NCBP3: variants seen among roughly 807,000 people sequenced by gnomAD.
NCBP3 encodes the protein nuclear cap binding subunit 3, also known as nuclear cap-binding protein subunit 3.
In NCBP3, 20 loss-of-function variants were observed where a neutral mutation model predicts 75.7. The observed-to-expected ratio is 0.26, with a 90% CI of 0.19 to 0.38. NCBP3 has a LOEUF of 0.38. Ranked by LOEUF, NCBP3 falls within the 10% of genes least tolerant of loss-of-function variation. The pLI is 1.00. For synonymous variants in NCBP3, 293 were observed against 290.5 expected (o/e 1.01, Z -0.09); for missense variants, 678 against 796.9 (o/e 0.85, Z 1.80).
chr17:3,803,798 A>T lies in NCBP3; in HGVS notation c.*9246T>A, dbSNP rs184890839. ...TTTTTAAAAAATGGGCAGGTGGGCC[A>T]GGCGCGGTGGCTCACGCCTGTAATC... On this transcript the variant is annotated 3_prime_UTR_variant, in exon 13 of 13. Transcript: ENST00000389005. 1 of 152,228 alleles carries T rather than the reference A, an allele frequency of 6.6e-6. No homozygotes were observed. Among genetic ancestry groups the T allele is most frequent in the Admixed American group, 6.5e-5 (1 of 15,282 alleles). The allele number at this position is 152,228 out of a possible 1,614,324, so 9.4% of individuals were successfully genotyped here.
chr17:3,838,830 A>G (rs1270203302), intron 3 of NCBP3, among the ~76,000 whole-genome samples: 1 of 152,248 alleles, frequency 6.6e-6, no homozygotes, highest in Non-Finnish European at 1.5e-5. Context: ...GAAATATATA[A>G]TGTGCTTAAC....
rs1444781446 is a variant in NCBP3, at chr17:3,809,124, TG to T, written c.*3919del. On this transcript the variant is annotated 3_prime_UTR_variant, in exon 13 of 13. Transcript: ENST00000389005. The stretch of plus-strand genomic sequence containing the variant: ...ATAACGAAACCCCATCTGTACAAAA[TG>T]TATTTTAAAAAGAAAAAATAAAAAC... 6.6e-6 allele frequency: 1 copy of T among 151,900 alleles called. No homozygotes were observed. The highest frequency in any genetic ancestry group is 2.4e-5 in the African/African-American group (1 of 41,328). 9.4% of individuals were successfully genotyped at this position (151,900 alleles called of 1,614,324 possible). A position where few individuals can be genotyped will look rare whatever the true frequency, so the allele number is the denominator to read the frequency against.
At position 3,825,756 on chromosome 17, in the gene NCBP3, CT is replaced by C; in HGVS notation, c.687+10del. Reference sequence around the variant, plus strand: ...CAATAACTTTACATCTATCTTTCCCCTATTACTAACCTCTACATCACTTGAG... The same window carrying C: ...CAATAACTTTACATCTATCTTTCCCCATTACTAACCTCTACATCACTTGAG... On this transcript the variant is annotated intron_variant, in intron 6 of 12. Transcript: ENST00000389005. 1 of 1,535,700 alleles carries C rather than the reference CT, an allele frequency of 6.5e-7. No individual in the cohort carries two copies. The highest frequency in any genetic ancestry group is 8.8e-7 in the Non-Finnish European group (1 of 1,133,568).
intron 4 of NCBP3, among the ~76,000 whole-genome samples, chr17:3,826,827 C>A (rs1166143349): frequency 1.3e-5 from 2 of 151,878 alleles, no homozygotes; most frequent in Non-Finnish European, 2.9e-5. Flanking sequence ...TCCTGGCTAA[C>A]ACGGTGAAAC....
At position 3,808,516 on chromosome 17, in the gene NCBP3, G is replaced by T. The variant is rs117262145; in HGVS notation, c.*4528C>A. The T allele has an allele frequency of 0.011, 1,631 of 152,358 alleles. 16 individuals carry two copies. The highest frequency in any genetic ancestry group is 0.014 in the Middle Eastern group (4 of 296). The allele number at this position is 152,358 out of a possible 1,614,324, so 9.4% of individuals were successfully genotyped here. On this transcript the variant is annotated 3_prime_UTR_variant, in exon 13 of 13. Transcript: ENST00000389005. ...CCCTAAGACCTTAAGTTGGTGAGGGGAAGATTGAGGCGGGAGGGGGAGAAG... is the reference window on the plus strand; with the variant it reads ...CCCTAAGACCTTAAGTTGGTGAGGGTAAGATTGAGGCGGGAGGGGGAGAAG...
chr17:3,814,573 A>G, intron 11 of NCBP3, 90 bp from the exon 12 acceptor site: 3 of 1,375,618 alleles, frequency 2.2e-6, no homozygotes, highest in Non-Finnish European at 3.0e-6. Context: ...TCTGGCGCTA[A>G]CCCCTGCCCC....
At chr17:3,838,849 T>TA (rs2054019296) in intron 3 of NCBP3, among the ~76,000 whole-genome samples, 3 of 152,196 alleles carry the variant, frequency 2.0e-5, no homozygotes, top group Admixed American at 2.0e-4. Context: ...ACGAGTCTAG[T>TA]AAAAAAGCAA....
chr17:3,835,210 A>AT (rs1416942947), intron 3 of NCBP3, among the ~76,000 whole-genome samples: 5 of 152,242 alleles, frequency 3.3e-5, no homozygotes, highest in Admixed American at 3.3e-4. Context: ...TTTAAAAGTA[A>AT]TTTTTTTAAA....
intron 3 of NCBP3, among the ~76,000 whole-genome samples, chr17:3,837,102 C>A (rs551304624): frequency 2.7e-5 from 4 of 150,506 alleles, no homozygotes; most frequent in African/African-American, 9.8e-5. Flanking sequence ...CAGCTGAGAT[C>A]GTGCCACTGC....
At position 3,809,346 on chromosome 17, in the gene NCBP3, G is replaced by A. The variant is rs989110628; in HGVS notation, c.*3698C>T. On this transcript the variant is annotated 3_prime_UTR_variant, in exon 13 of 13. Transcript: ENST00000389005. ...TCCACTCCTAGGTATATACCCAAGA[G>A]TCATGAAAATACCTGTCCCTGCAAA... 6.6e-6 allele frequency: 1 copy of A among 152,112 alleles called. No individual in the cohort carries two copies. Among genetic ancestry groups the A allele is most frequent in the African/African-American group, 2.4e-5 (1 of 41,396 alleles). The allele number at this position is 152,112 out of a possible 1,614,324, so 9.4% of individuals were successfully genotyped here.
intron 3 of NCBP3, among the ~76,000 whole-genome samples, chr17:3,832,319 TAAATA>T (rs1219847764): frequency 8.5e-6 from 1 of 117,066 alleles, no homozygotes; most frequent in Non-Finnish European, 2.1e-5. Flanking sequence ...AAAATTAAAA[TAAATA>T]AAATAATAAT....
At chr17:3,834,924 C>T (rs745755675) in intron 3 of NCBP3, among the ~76,000 whole-genome samples, 1 of 152,056 alleles carries the variant, frequency 6.6e-6, no homozygotes, top group African/African-American at 2.4e-5. Context: ...AGACGGTGCT[C>T]TATTTCAAGT....
At chr17:3,840,000 G>T in intron 3 of NCBP3, 100 bp downstream of exon 3, 1 of 844,142 alleles carries the variant, frequency 1.2e-6, no homozygotes. Flanking sequence ...GCTTGGATAA[G>T]GAGTGGACAC....
At chr17:3,827,909 CTTTTGT>C (rs1229268757) in intron 4 of NCBP3, among the ~76,000 whole-genome samples, 4 of 152,188 alleles carry the variant, frequency 2.6e-5, no homozygotes, top group African/African-American at 4.8e-5. Flanking sequence ...CTACCACCTG[CTTTTGT>C]TTTTGTTTTT....
chr17:3,822,106 G>T, intron 7 of NCBP3, 54 bp from the exon 8 acceptor site: 6 of 1,244,626 alleles, frequency 4.8e-6, no homozygotes, highest in East Asian at 2.4e-5. Flanking sequence ...TAAAGACAAT[G>T]TTGAATTTTT....
chr17:3,843,650 G>A (rs1348140471), intron 1 of NCBP3, among the ~76,000 whole-genome samples: 16 of 152,282 alleles, frequency 1.1e-4, no homozygotes, highest in Admixed American at 6.5e-4. Flanking sequence ...GGGTTCAAGC[G>A]ATTCTCCTGT....
intron 9 of NCBP3, 148 bp downstream of exon 9, chr17:3,821,101 C>T: frequency 2.0e-6 from 1 of 508,136 alleles, no homozygotes; most frequent in Non-Finnish European, 3.5e-6. Flanking sequence ...TTAATTGTGA[C>T]TTGACTTACT....
At chr17:3,836,079 G>A (rs935856315) in intron 3 of NCBP3, among the ~76,000 whole-genome samples, 4 of 152,194 alleles carry the variant, frequency 2.6e-5, no homozygotes, top group Admixed American at 6.5e-5. Context: ...ACAGCAGAGC[G>A]ACTGGCACAT....
chr17:3,834,434 A>G (rs2053940198), intron 3 of NCBP3, among the ~76,000 whole-genome samples: 1 of 152,208 alleles, frequency 6.6e-6, no homozygotes, highest in African/African-American at 2.4e-5. Context: ...TTTGTAAAAG[A>G]GCTAATGAAG....
Sources: allele counts gnomAD v4.1 joint callset (sites outside exome capture counted in the v4.1 genomes callset), GRCh38; gene constraint gnomAD v4.1.1; transcripts MANE v1.5; gene names NCBI Gene and HGNC (gene_info 2026-07-23, HGNC 2026-07-21).